The following CHGA variants were observed in gnomAD, a reference collection of about 807,000 sequenced individuals.
The protein encoded by CHGA is chromogranin-A.
CHGA carries 41 observed loss-of-function variants against 54.4 expected under a neutral mutation model. The observed-to-expected ratio is 0.75, with a 90% confidence interval of 0.59 to 0.98. The LOEUF (loss-of-function observed/expected upper bound fraction) is 0.98, where lower values mean the gene tolerates loss of function less well. Ranked by LOEUF, CHGA falls within the 50% of genes least tolerant of loss-of-function variation. The pLI, the probability that CHGA is intolerant of heterozygous loss-of-function variation, is 0.00. For missense variants in CHGA, 576 were observed against 582.3 expected, an observed-to-expected ratio of 0.99 and a Z score of 0.11; for synonymous variants, 249 against 232.8, an observed-to-expected ratio of 1.07 and a Z score of -0.63.
In CHGA at chr14:92,934,806, G is replaced by A. The variant is rs1192885797; in HGVS notation, c.1296G>A (p.Gln432=). The A allele has an allele frequency of 6.3e-7, 1 of 1,581,762 alleles. No individual in the cohort carries two copies. Among genetic ancestry groups the A allele is most frequent in the Middle Eastern group, 1.7e-4 (1 of 6,012 alleles). ...AACCCCAATGTCTCTCCTAGGACCA[G>A]GAGCTGGAGAGCCTGTCGGCCATTG... ...EGSANRRPED[Q]ELESLSAIEA... Residue 432 remains glutamine, a synonymous_variant, in exon 8 of 8, where the codon CAG becomes CAA. Coordinates refer to ENST00000216492, the MANE Select transcript of CHGA (RefSeq NM_001275.4).
At chr14:92,933,107 G>A (rs868393244) in intron 7 of CHGA, 11 of 464,084 alleles carry the variant, frequency 2.4e-5, no homozygotes, top group East Asian at 6.9e-5. Flanking sequence ...GAGTGGGGAC[G>A]TTGTCCAGAA....
chr14:92,929,905 G>A (rs368397412), intron 5 of CHGA, 90 bp downstream of exon 5: 1 of 973,660 alleles, frequency 1.0e-6, no homozygotes, highest in South Asian at 1.3e-5. Context: ...CAGTGAGTCG[G>A]GAGCCCCACC....
Position 92,923,283 on chromosome 14 carries a change from C to T in CHGA, c.-77C>T. ...GGTGCCACCGCAGCCCGACCCCGGC[C>T]GCCAGTCCAGCCGCCCCTCGCCCGG... On this transcript the variant is annotated 5_prime_UTR_variant, in exon 1 of 8. Transcript: ENST00000216492. 9 of 1,225,972 alleles carry T rather than the reference C, an allele frequency of 7.3e-6. No homozygotes were observed. The highest frequency in any genetic ancestry group is 7.1e-6 in the Non-Finnish European group (7 of 979,902). 75.9% of individuals were successfully genotyped at this position (1,225,972 alleles called of 1,614,324 possible).
At chr14:92,933,007 G>T in intron 7 of CHGA, 156 bp downstream of exon 7, 1 of 1,173,680 alleles carries the variant, frequency 8.5e-7, no homozygotes, top group South Asian at 2.0e-5. Context: ...CTCAGGGTGG[G>T]AGAACACCCC....
In CHGA at chr14:92,931,372, G is replaced by A; in HGVS notation, c.478G>A (p.Glu160Lys). The change falls in exon 6 of 8, where the codon GAG becomes AAG. Residue 160 changes from glutamate (E) to lysine (K), a missense_variant. Coordinates refer to ENST00000216492, the MANE Select transcript of CHGA (RefSeq NM_001275.4). ...CCAGGCCCTCCCGGAGCCCATGCAG[G>A]AGTCCAAGGCTGAGGGGAACAATCA... ...RPQALPEPMQ[E>K]SKAEGNNQAP... 1.2e-6 allele frequency: 2 copies of A among 1,613,318 alleles called. No individual in the cohort carries two copies. Among genetic ancestry groups the A allele is most frequent in the Non-Finnish European group, 1.7e-6 (2 of 1,179,902 alleles).
intron 4 of CHGA, 40 bp from the exon 5 acceptor site, chr14:92,929,677 C>A: frequency 6.4e-7 from 1 of 1,571,026 alleles, no homozygotes; most frequent in Non-Finnish European, 8.8e-7. Flanking sequence ...TATGCCACAG[C>A]TGCACCCAAT....
chr14:92,928,617 T>G (rs1031287428), intron 4 of CHGA, among the ~76,000 whole-genome samples: 1 of 152,150 alleles, frequency 6.6e-6, no homozygotes, highest in Admixed American at 6.5e-5. Context: ...AATTGATAAC[T>G]TTAAAATTAA....
In CHGA at chr14:92,931,475, A is replaced by T. The variant is rs749018702; in HGVS notation, c.581A>T (p.Tyr194Phe). 9.3e-6 allele frequency: 15 copies of T among 1,610,744 alleles called. No individual in the cohort carries two copies. Among genetic ancestry groups the T allele is most frequent in the Non-Finnish European group, 1.3e-5 (15 of 1,179,122 alleles). Residue 194 changes from tyrosine to phenylalanine, a missense_variant, in exon 6 of 8, where the codon TAC (tyrosine) becomes TTC (phenylalanine). Tyr to Phe is a conservative substitution (Grantham distance 22). Transcript: ENST00000216492. ...CCAGCCAGCCTCCCCAGCCAGAAAT[A>T]CCCAGGCCCACAGGCCGAGGGGGAC... Reference protein sequence around the residue: ...HPPASLPSQKYPGPQAEGDSE... With the variant: ...HPPASLPSQKFPGPQAEGDSE...
At chr14:92,927,935 G>A (rs1884542) in intron 4 of CHGA, among the ~76,000 whole-genome samples, 112,283 of 152,158 alleles carry the variant, frequency 0.74, 41,731 homozygotes, top group East Asian at 0.94. Context: ...TGAGCCACTC[G>A]TCACTGATGA....
chr14:92,928,819 T>C lies in CHGA; in HGVS notation c.257-898T>C, dbSNP rs1257395075. ...GGATGTATTTCTGTCCATCCGTCTA[T>C]CCGTCCACTCCCTCTTGGGCTCCCA... On this transcript the variant is annotated intron_variant, in intron 4 of 7. Coordinates refer to ENST00000216492, the MANE Select transcript of CHGA (RefSeq NM_001275.4). 5.3e-5 allele frequency among the ~76,000 whole-genome samples: 8 copies of C among 152,370 alleles called. 1 individual carries two copies. In the Middle Eastern group the frequency reaches 0.01, roughly 194 times the overall value.
rs761441888 is a variant in CHGA, at chr14:92,931,416, G to C, written c.522G>C (p.Glu174Asp). 5.3e-6 allele frequency: 8 copies of C among 1,512,166 alleles called. No homozygotes were observed. The highest frequency in any genetic ancestry group is 7.2e-6 in the Non-Finnish European group (8 of 1,116,584). The allele number at this position is 1,512,166 out of a possible 1,614,324, so 93.7% of individuals were successfully genotyped here. ...EGNNQAPGEE[E>D]EEEEEATNTH... ...ACAATCAGGCCCCTGGGGAGGAAGA[G>C]GAGGAGGAGGAGGAGGCCACCAACA... The change falls in exon 6 of 8, where the codon GAG becomes GAC. Residue 174 changes from glutamate (E) to aspartate (D), a missense_variant. Physicochemically the swap from Glu to Asp is conservative, Grantham distance 45. Coordinates refer to ENST00000216492, the MANE Select transcript of CHGA (RefSeq NM_001275.4).
In CHGA at chr14:92,927,646, T is replaced by C. The variant is rs1886914311; in HGVS notation, c.256+28T>C. The stretch of plus-strand genomic sequence containing the variant: ...ATTTTCCAGCCACTGCACTTGACTC[T>C]GGGTAAATTCCAGTAACTGAGAGTC... On this transcript the variant is annotated intron_variant, in intron 4 of 7. Coordinates refer to ENST00000216492, the MANE Select transcript of CHGA (RefSeq NM_001275.4). 4 of 1,585,176 alleles carry C rather than the reference T, an allele frequency of 2.5e-6. No individual in the cohort carries two copies. The African/African-American group carries it at 5.4e-5, about 21-fold the overall frequency.
chr14:92,927,406 T>A, intron 3 of CHGA, 144 bp from the exon 4 acceptor site: 2 of 664,662 alleles, frequency 3.0e-6, no homozygotes, highest in South Asian at 1.8e-5. Flanking sequence ...TTCAAAAGTG[T>A]TATCTGAAGA....
chr14:92,934,921 T>G lies in CHGA; in HGVS notation c.*37T>G. On this transcript the variant is annotated 3_prime_UTR_variant, in exon 8 of 8. Coordinates refer to ENST00000216492, the MANE Select transcript of CHGA (RefSeq NM_001275.4). ...GCAGGGCTGGCCCCAGGGCACCCTGTGGCCCTGGCTCTGCTGTCCCCTTGG... is the reference window on the plus strand; with the variant it reads ...GCAGGGCTGGCCCCAGGGCACCCTGGGGCCCTGGCTCTGCTGTCCCCTTGG... The G allele has an allele frequency of 6.6e-7, 1 of 1,504,314 alleles. No individual in the cohort carries two copies. Among genetic ancestry groups the G allele is most frequent in the Non-Finnish European group, 9.0e-7 (1 of 1,117,066 alleles). The allele number at this position is 1,504,314 out of a possible 1,614,324, so 93.2% of individuals were successfully genotyped here. A position where few individuals can be genotyped will look rare whatever the true frequency, so the allele number is the denominator to read the frequency against.
intron 5 of CHGA, 106 bp from the exon 6 acceptor site, chr14:92,931,144 G>A (rs1479577438): frequency 1.2e-5 from 14 of 1,204,706 alleles, no homozygotes; most frequent in Middle Eastern, 2.9e-4. Context: ...GGCTGGGCTC[G>A]CTGGAAGCCA....
chr14:92,932,353 C>A lies in CHGA; in HGVS notation c.809-17C>A. 3 of 1,563,508 alleles carry A rather than the reference C, an allele frequency of 1.9e-6. No homozygotes were observed. Among genetic ancestry groups the A allele is most frequent in the Non-Finnish European group, 2.6e-6 (3 of 1,154,080 alleles). On this transcript the variant is annotated splice_polypyrimidine_tract_variant and intron_variant, in intron 6 of 7. Coordinates refer to ENST00000216492, the MANE Select transcript of CHGA (RefSeq NM_001275.4). This position sits in a 1 kb window ranked among gnomAD's most constrained non-coding sequence, Gnocchi z 5.3. ...TCCCCCACCCATTCTCCTGCTCTTG[C>A]CCACCACCTGCTCCAGGTCGGTCGG... is the stretch of plus-strand genomic sequence containing the variant.
At chr14:92,926,441 T>C (rs1886887229) in intron 2 of CHGA, 164 bp from the exon 3 acceptor site, 2 of 627,390 alleles carry the variant, frequency 3.2e-6, no homozygotes, top group East Asian at 5.5e-5. Flanking sequence ...TTGCTATCAC[T>C]GTCTGGCTAA....
chr14:92,924,055 CA>C (rs1320886613), intron 1 of CHGA, 143 bp from the exon 2 acceptor site: 2 of 934,334 alleles, frequency 2.1e-6, no homozygotes, highest in Non-Finnish European at 3.3e-6. Flanking sequence ...GGAAGGGAAA[CA>C]AAATCAGCCC....
chr14:92,923,767 T>C (rs1410539411), intron 1 of CHGA, among the ~76,000 whole-genome samples: 5 of 152,122 alleles, frequency 3.3e-5, no homozygotes, highest in African/African-American at 1.2e-4. Flanking sequence ...CTCTTCCCCT[T>C]TCATCTCACG....
Sources: allele counts gnomAD v4.1 joint callset (sites outside exome capture counted in the v4.1 genomes callset), GRCh38; gene constraint gnomAD v4.1.1; non-coding constraint Gnocchi (gnomAD v3.1); transcripts MANE v1.5; gene names NCBI Gene and HGNC (gene_info 2026-07-23, HGNC 2026-07-21).